PPIP5K2: variants seen among roughly 807,000 people sequenced by gnomAD.
PPIP5K2 encodes the protein diphosphoinositol pentakisphosphate kinase 2, also known as inositol hexakisphosphate and diphosphoinositol-pentakisphosphate kinase 2.
Under a neutral mutation model 154.6 loss-of-function variants are expected in PPIP5K2, and 105 were observed. The observed-to-expected ratio is 0.68, with a 90% confidence interval of 0.58 to 0.80. The LOEUF is 0.80. PPIP5K2 is among the 30% of genes least tolerant of loss of function. The pLI, the probability that PPIP5K2 is intolerant of heterozygous loss-of-function variation, is 0.00. For missense variants in PPIP5K2, 992 were observed against 1,504.6 expected (o/e 0.66, Z 5.64); for synonymous variants, 480 against 490.3 (o/e 0.98, Z 0.28).
intron 30 of PPIP5K2, among the ~76,000 whole-genome samples, chr5:103,199,215 A>T (rs1351268890): frequency 9.2e-5 from 14 of 152,158 alleles, no homozygotes; most frequent in Admixed American, 9.2e-4. Context: ...TTCTATATTT[A>T]TCCATATATT....
chr5:103,173,815 G>T, intron 20 of PPIP5K2, 43 bp from the exon 21 acceptor site: 1 of 1,253,922 alleles, frequency 8.0e-7, no homozygotes, highest in Non-Finnish European at 1.1e-6. Context: ...GTGAGTTTTT[G>T]ATTATATGGT....
chr5:103,148,257 G>A, intron 7 of PPIP5K2: 1 of 535,978 alleles, frequency 1.9e-6, no homozygotes, highest in African/African-American at 1.9e-5. Flanking sequence ...AGATTATGAT[G>A]GAGACAAATT....
chr5:103,141,793 C>T (rs1447146436), intron 5 of PPIP5K2, among the ~76,000 whole-genome samples: 3 of 150,974 alleles, frequency 2.0e-5, no homozygotes, highest in Non-Finnish European at 2.9e-5. Context: ...TTTACAATCC[C>T]TGAGCTAGAA....
chr5:103,177,618 C>A, intron 21 of PPIP5K2, 49 bp from the exon 22 acceptor site: 1 of 1,312,760 alleles, frequency 7.6e-7, no homozygotes, highest in Non-Finnish European at 1.1e-6. Context: ...AAGTGACTTT[C>A]AAGTAACACA....
chr5:103,195,085 G>C, intron 30 of PPIP5K2, 60 bp downstream of exon 30: 2 of 1,580,196 alleles, frequency 1.3e-6, no homozygotes, highest in South Asian at 2.3e-5. Flanking sequence ...ATAGTAACTT[G>C]CTTTTTAAAT....
chr5:103,126,109 C>T (rs183154332), intron 1 of PPIP5K2, among the ~76,000 whole-genome samples: 71 of 152,254 alleles, frequency 4.7e-4, no homozygotes, highest in African/African-American at 1.6e-3. Flanking sequence ...CTGGAATGTT[C>T]ACACCATATA....
intron 19 of PPIP5K2, 31 bp downstream of exon 19, chr5:103,168,326 A>G (rs1554218629): frequency 1.3e-6 from 2 of 1,481,886 alleles, no homozygotes; most frequent in Non-Finnish European, 1.9e-6. Flanking sequence ...AATTTCTTAT[A>G]ATATTGAAAA....
chr5:103,125,524 A>T (rs1554200450), intron 1 of PPIP5K2, among the ~76,000 whole-genome samples: 1 of 152,136 alleles, frequency 6.6e-6, no homozygotes, highest in Admixed American at 6.5e-5. Flanking sequence ...CAGAAAAAAA[A>T]AGAAAGGCTT....
chr5:103,150,843 CTTT>C (rs377739666), intron 8 of PPIP5K2, among the ~76,000 whole-genome samples: 44 of 68,098 alleles, frequency 6.5e-4, no homozygotes, highest in African/African-American at 2.4e-3. Flanking sequence ...GTCCATCCTC[CTTT>C]TTTTTTTTTT....
chr5:103,134,692 G>A (rs1401263632), intron 3 of PPIP5K2, among the ~76,000 whole-genome samples: 1 of 152,104 alleles, frequency 6.6e-6, no homozygotes, highest in Non-Finnish European at 1.5e-5. Flanking sequence ...TATAGCTAAT[G>A]TCATATTCCA....
chr5:103,148,186 G>A (rs1036182037), intron 7 of PPIP5K2, 154 bp downstream of exon 7: 9 of 693,542 alleles, frequency 1.3e-5, no homozygotes, highest in Non-Finnish European at 2.4e-5. Context: ...AACATCTTTA[G>A]CAGTCTGAAG....
intron 30 of PPIP5K2, among the ~76,000 whole-genome samples, chr5:103,198,082 T>C (rs896732971): frequency 6.6e-6 from 1 of 152,144 alleles, no homozygotes; most frequent in Non-Finnish European, 1.5e-5. Context: ...TTATATTGTA[T>C]TTTCATTATC....
At chr5:103,178,250 C>CT (rs1328750281) in intron 23 of PPIP5K2, among the ~76,000 whole-genome samples, 22 of 151,942 alleles carry the variant, frequency 1.4e-4, no homozygotes, top group African/African-American at 4.6e-4. Flanking sequence ...CCAAAATTGA[C>CT]TTTTTTGGAT....
At chr5:103,183,127 T>A in intron 24 of PPIP5K2, 107 bp from the exon 25 acceptor site, 1 of 1,011,916 alleles carries the variant, frequency 9.9e-7, no homozygotes, top group Non-Finnish European at 1.3e-6. Flanking sequence ...CTGTATTTTT[T>A]TTTCTTTCTG....
At chr5:103,132,015 T>G (rs1157633310) in intron 2 of PPIP5K2, among the ~76,000 whole-genome samples, 1 of 152,194 alleles carries the variant, frequency 6.6e-6, no homozygotes, top group Non-Finnish European at 1.5e-5. Context: ...ACATTTGTTG[T>G]CTGGGGAAAT....
chr5:103,169,305 AG>A (rs1429384641), intron 19 of PPIP5K2, among the ~76,000 whole-genome samples: 1 of 151,806 alleles, frequency 6.6e-6, no homozygotes, highest in Non-Finnish European at 1.5e-5. Context: ...GGAGTAGATC[AG>A]GTATTCCAAC....
At chr5:103,159,563 T>G (rs1039845998) in intron 17 of PPIP5K2, among the ~76,000 whole-genome samples, 1 of 152,172 alleles carries the variant, frequency 6.6e-6, no homozygotes, top group Non-Finnish European at 1.5e-5. Context: ...TATATTCTTT[T>G]CATATCCAGA....
chr5:103,131,585 C>T (rs1294041991), intron 2 of PPIP5K2, among the ~76,000 whole-genome samples: 3 of 152,088 alleles, frequency 2.0e-5, no homozygotes, highest in Non-Finnish European at 4.4e-5. Flanking sequence ...TTCTGTATAT[C>T]TAATCTTCAG....
intron 23 of PPIP5K2, among the ~76,000 whole-genome samples, chr5:103,178,185 ATTG>A (rs1798996054): frequency 6.6e-6 from 1 of 151,948 alleles, no homozygotes. Flanking sequence ...TTTTGTTTAG[ATTG>A]TTTGAATTTT....
Sources: allele counts gnomAD v4.1 joint callset (sites outside exome capture counted in the v4.1 genomes callset), GRCh38; gene constraint gnomAD v4.1.1; transcripts MANE v1.5; gene names NCBI Gene and HGNC (gene_info 2026-07-23, HGNC 2026-07-21).